Variants in SSBP2 observed in about 807,000 individuals in gnomAD.
SSBP2 encodes single stranded DNA binding protein 2, also known as single-stranded DNA-binding protein 2.
A neutral mutation model predicts 61.8 loss-of-function variants in SSBP2; 17 were observed. The ratio of observed to expected loss-of-function variants is 0.28; its 90% CI spans 0.19 to 0.41. SSBP2 has a LOEUF of 0.41. Among genes scored for constraint, SSBP2 ranks in the 10% least tolerant of loss-of-function variants. The probability of loss-of-function intolerance (pLI) is 1.00; values close to 1 mark genes in which losing one functional copy is unlikely to be tolerated. For missense variants in SSBP2, 310 were observed against 458.7 expected, an observed-to-expected ratio of 0.68 and a Z score of 2.96; for synonymous variants, 139 against 141.3, an observed-to-expected ratio of 0.98 and a Z score of 0.12.
chr5:81,579,237 T>G (rs1774464959), intron 4 of SSBP2, among the ~76,000 whole-genome samples: 4 of 148,632 alleles, frequency 2.7e-5, no homozygotes, highest in Admixed American at 2.0e-4. Flanking sequence ...TTTCTTATTG[T>G]TTTTTTTCAT....
At chr5:81,674,372 T>A (rs1751805017) in intron 1 of SSBP2, among the ~76,000 whole-genome samples, 1 of 152,164 alleles carries the variant, frequency 6.6e-6, no homozygotes, top group Non-Finnish European at 1.5e-5. Context: ...ACAATATAAG[T>A]CTGTGTGGTT....
intron 1 of SSBP2, among the ~76,000 whole-genome samples, chr5:81,725,637 G>T (rs1448604831): frequency 6.6e-6 from 1 of 152,154 alleles, no homozygotes. Context: ...CAGAGATGTG[G>T]TAAGTGCATT....
intron 4 of SSBP2, among the ~76,000 whole-genome samples, chr5:81,542,546 T>G (rs558718825): frequency 6.6e-6 from 1 of 152,068 alleles, no homozygotes; most frequent in East Asian, 2.0e-4. Context: ...AGAAAATAGA[T>G]GCATAGTATT....
intron 1 of SSBP2, among the ~76,000 whole-genome samples, chr5:81,668,248 TAAAAAAAAAA>T (rs11332987): frequency 8.4e-5 from 8 of 94,908 alleles, no homozygotes; most frequent in African/African-American, 2.1e-4. Context: ...TATGGAAGTT[TAAAAAAAAAA>T]AAAAAAAAAA....
At chr5:81,462,811 A>AT (rs1243813317) in intron 9 of SSBP2, among the ~76,000 whole-genome samples, 1 of 152,164 alleles carries the variant, frequency 6.6e-6, no homozygotes, top group Admixed American at 6.5e-5. Context: ...TTAAAATGAC[A>AT]TAAAAGTACA....
chr5:81,687,931 C>T (rs1468260641), intron 1 of SSBP2, among the ~76,000 whole-genome samples: 1 of 152,166 alleles, frequency 6.6e-6, no homozygotes, highest in Non-Finnish European at 1.5e-5. Context: ...ACATTCCCAG[C>T]TGTAGTTGCT....
At chr5:81,613,537 TC>T (rs999972736) in intron 4 of SSBP2, among the ~76,000 whole-genome samples, 4 of 152,212 alleles carry the variant, frequency 2.6e-5, no homozygotes, top group African/African-American at 7.2e-5. Flanking sequence ...AGTTCACTTT[TC>T]CCCTTAAGAT....
intron 3 of SSBP2, among the ~76,000 whole-genome samples, chr5:81,616,799 G>T (rs1422304176): frequency 6.6e-6 from 1 of 151,264 alleles, no homozygotes; most frequent in Admixed American, 6.6e-5. Context: ...TGACCCCTGT[G>T]CCCCGAGCAG....
chr5:81,646,691 T>A (rs1395533738), intron 2 of SSBP2, among the ~76,000 whole-genome samples: 28 of 102,182 alleles, frequency 2.7e-4, no homozygotes, highest in African/African-American at 1.7e-3. Flanking sequence ...TGATGTCATT[T>A]TTTTTTTTTT....
chr5:81,457,163 T>C (rs182429234), intron 10 of SSBP2, among the ~76,000 whole-genome samples: 28 of 152,096 alleles, frequency 1.8e-4, no homozygotes, highest in African/African-American at 6.5e-4. Flanking sequence ...ACTGGGAAAA[T>C]ATAAGAAGAG....
At chr5:81,664,544 G>C (rs1750954037) in intron 1 of SSBP2, among the ~76,000 whole-genome samples, 1 of 152,004 alleles carries the variant, frequency 6.6e-6, no homozygotes, top group Non-Finnish European at 1.5e-5. Flanking sequence ...GAATCCTTTG[G>C]TTTCTTCTAT....
At chr5:81,476,066 C>A (rs1259534743) in intron 6 of SSBP2, among the ~76,000 whole-genome samples, 1 of 151,948 alleles carries the variant, frequency 6.6e-6, no homozygotes, top group Non-Finnish European at 1.5e-5. Context: ...CCTTATCAGC[C>A]TTTCTCCTTT....
intron 1 of SSBP2, among the ~76,000 whole-genome samples, chr5:81,664,849 G>C (rs1271049743): frequency 6.6e-6 from 1 of 152,090 alleles, no homozygotes; most frequent in African/African-American, 2.4e-5. Flanking sequence ...AGGAAATAAA[G>C]GAAGTCTGCC....
intron 1 of SSBP2, among the ~76,000 whole-genome samples, chr5:81,713,255 TA>T (rs1303191920): frequency 6.6e-6 from 1 of 151,190 alleles, no homozygotes; most frequent in African/African-American, 2.4e-5. Context: ...ACAGGAGGAT[TA>T]AAAAAAAATC....
chr5:81,471,937 A>G (rs952746831), intron 8 of SSBP2, among the ~76,000 whole-genome samples: 7 of 152,092 alleles, frequency 4.6e-5, no homozygotes, highest in African/African-American at 1.4e-4. Context: ...ATGCATATAT[A>G]CAATACAAAC....
chr5:81,448,727 T>A, intron 11 of SSBP2, 63 bp downstream of exon 11: 1 of 1,520,322 alleles, frequency 6.6e-7, no homozygotes. Flanking sequence ...TGGACAACTG[T>A]TTCATTGCCC....
chr5:81,452,480 A>G (rs1008959835), intron 10 of SSBP2, among the ~76,000 whole-genome samples: 1 of 152,166 alleles, frequency 6.6e-6, no homozygotes, highest in Non-Finnish European at 1.5e-5. Context: ...ATATGAATAC[A>G]AGTTAGAAGA....
chr5:81,571,452 CAT>C (rs1773834948), intron 4 of SSBP2, among the ~76,000 whole-genome samples: 1 of 152,108 alleles, frequency 6.6e-6, no homozygotes, highest in South Asian at 2.1e-4. Context: ...CAAACAGAAA[CAT>C]ATTACCATGG....
rs575615634 is a variant in SSBP2, at chr5:81,743,540, A to T, written c.62+7441T>A. Among the ~76,000 whole-genome samples, 3 of 152,204 alleles carry T rather than the reference A, an allele frequency of 2.0e-5. No individual in the cohort carries two copies. In the South Asian group the frequency reaches 6.2e-4, roughly 32 times the overall value. The stretch of plus-strand genomic sequence containing the variant: ...CCTTCAAAGTCTCATGAAAGCAGGG[A>T]CTCATTTTATTCTCCCTATATCCTC... On this transcript the variant is annotated intron_variant, in intron 1 of 16. Transcript: ENST00000320672.
Sources: allele counts gnomAD v4.1 joint callset (sites outside exome capture counted in the v4.1 genomes callset), GRCh38; gene constraint gnomAD v4.1.1; transcripts MANE v1.5; gene names NCBI Gene and HGNC (gene_info 2026-07-23, HGNC 2026-07-21).